The following CEP112 variants were observed in gnomAD, a reference collection of about 807,000 sequenced individuals.
The protein encoded by CEP112 is centrosomal protein 112.
CEP112 carries 127 observed loss-of-function variants against 153.0 expected under a neutral mutation model. That is an observed-to-expected ratio of 0.83 (90% CI 0.72 to 0.96). CEP112 has a LOEUF of 0.96. Ranked by LOEUF, CEP112 falls within the 40% of genes least tolerant of loss-of-function variation. CEP112 has a pLI of 0.00. For missense variants in CEP112, 1,089 were observed against 1,101.2 expected (o/e 0.99, Z 0.16); for synonymous variants, 358 against 374.4 (o/e 0.96, Z 0.51).
At chr17:65,660,254 CTTT>C (rs1031904166) in intron 24 of CEP112, among the ~76,000 whole-genome samples, 2 of 123,668 alleles carry the variant, frequency 1.6e-5, no homozygotes, top group East Asian at 5.2e-4. Context: ...TGTTTTCTTT[CTTT>C]TTTCTTTTCT....
intron 17 of CEP112, among the ~76,000 whole-genome samples, chr17:65,989,903 A>C (rs1161074675): frequency 6.6e-6 from 1 of 152,148 alleles, no homozygotes; most frequent in African/African-American, 2.4e-5. Flanking sequence ...AAGTTTTTTC[A>C]TTTTTTGTTT....
At chr17:65,879,473 C>T (rs116088195) in intron 20 of CEP112, among the ~76,000 whole-genome samples, 76 of 152,266 alleles carry the variant, frequency 5.0e-4, no homozygotes, top group African/African-American at 1.8e-3. Flanking sequence ...TCTGTTCTTT[C>T]CAGGTACAAA....
At chr17:66,025,593 A>G (rs1380527897) in intron 16 of CEP112, among the ~76,000 whole-genome samples, 1 of 152,156 alleles carries the variant, frequency 6.6e-6, no homozygotes, top group Non-Finnish European at 1.5e-5. Context: ...TATTAAAACC[A>G]CAATGAGATA....
intron 21 of CEP112, chr17:65,804,281 T>A (rs982214904): frequency 2.6e-5 from 4 of 152,006 alleles, no homozygotes; most frequent in Non-Finnish European, 4.4e-5. Flanking sequence ...TAAAATTAGA[T>A]GAGCCGCTCA....
intron 23 of CEP112, among the ~76,000 whole-genome samples, chr17:65,690,601 A>T (rs1317800398): frequency 2.0e-5 from 3 of 152,044 alleles, no homozygotes; most frequent in African/African-American, 4.8e-5. Flanking sequence ...TTGAGATTTT[A>T]AATAGATGGT....
At chr17:66,015,498 C>A (rs2064730759) in intron 16 of CEP112, among the ~76,000 whole-genome samples, 1 of 152,098 alleles carries the variant, frequency 6.6e-6, no homozygotes, top group African/African-American at 2.4e-5. Context: ...TGAGGCTTTG[C>A]ACATTCAAAA....
At chr17:65,795,302 G>C (rs951010543) in intron 21 of CEP112, among the ~76,000 whole-genome samples, 1 of 152,158 alleles carries the variant, frequency 6.6e-6, no homozygotes, top group Non-Finnish European at 1.5e-5. Flanking sequence ...ACTATTTAAT[G>C]AATTCTTACT....
intron 18 of CEP112, among the ~76,000 whole-genome samples, chr17:65,952,054 C>T (rs1352724644): frequency 6.6e-6 from 1 of 152,008 alleles, no homozygotes; most frequent in Non-Finnish European, 1.5e-5. Flanking sequence ...TTGTTGTTTA[C>T]TTCTAATTTA....
At chr17:65,965,513 G>GC (rs11393272) in intron 17 of CEP112, among the ~76,000 whole-genome samples, 2,410 of 109,052 alleles carry the variant, frequency 0.022, 86 homozygotes, top group Admixed American at 0.043. Flanking sequence ...GAAACCTTCT[G>GC]CCCCCTTTTT....
chr17:66,052,511 T>C (rs954089042), intron 12 of CEP112, among the ~76,000 whole-genome samples: 2 of 152,112 alleles, frequency 1.3e-5, no homozygotes, highest in African/African-American at 4.8e-5. Flanking sequence ...CATATATATA[T>C]ATAATCAATG....
rs1390522150 is a variant in CEP112, at chr17:66,191,845, C to A, written c.-9+152G>T. 6.6e-6 allele frequency: 1 copy of A among 152,178 alleles called. No individual in the cohort carries two copies. The highest frequency in any genetic ancestry group is 6.5e-5 in the Admixed American group (1 of 15,274). 9.4% of individuals were successfully genotyped at this position (152,178 alleles called of 1,614,324 possible). A position where few individuals can be genotyped will look rare whatever the true frequency, so the allele number is the denominator to read the frequency against. On this transcript the variant is annotated intron_variant, in intron 1 of 26. Coordinates refer to ENST00000535342, the MANE Select transcript of CEP112 (RefSeq NM_001199165.4). The surrounding 1 kb of genome is among the most constrained non-coding windows in gnomAD (Gnocchi z 4.2). Reference sequence around the variant, plus strand: ...AGCGCCGGGACCCCAGGGGCGCGCGCCCCCCAGGCCCGGAGAACGGGCCCA... The same window carrying A: ...AGCGCCGGGACCCCAGGGGCGCGCGACCCCCAGGCCCGGAGAACGGGCCCA...
At chr17:66,094,984 A>G (rs1223105001) in intron 8 of CEP112, among the ~76,000 whole-genome samples, 1 of 152,196 alleles carries the variant, frequency 6.6e-6, no homozygotes, top group Admixed American at 6.6e-5. Flanking sequence ...GCTATCAACA[A>G]AAAGAAAAAA....
chr17:65,782,791 A>G (rs1232709663), intron 21 of CEP112, among the ~76,000 whole-genome samples: 16 of 152,170 alleles, frequency 1.1e-4, no homozygotes, highest in Non-Finnish European at 1.8e-4. Context: ...AAAGATGGCA[A>G]CAATAGACAC....
intron 18 of CEP112, among the ~76,000 whole-genome samples, chr17:65,944,432 T>C (rs190636832): frequency 3.5e-4 from 54 of 152,344 alleles, no homozygotes; most frequent in African/African-American, 1.0e-3. Context: ...TCAGCTTTCA[T>C]ATATCTTAAG....
intron 17 of CEP112, among the ~76,000 whole-genome samples, chr17:65,965,519 T>C (rs28406483): frequency 0.027 from 1,190 of 43,336 alleles, 29 homozygotes; most frequent in African/African-American, 0.058. Context: ...TTCTGCCCCC[T>C]TTTTTTTTTT....
At chr17:65,654,879 C>G (rs876843) in intron 24 of CEP112, 1 of 497,420 alleles carries the variant, frequency 2.0e-6, no homozygotes, top group East Asian at 5.3e-5. Flanking sequence ...GAGGTTGTCA[C>G]TGGGGTCGTA....
At chr17:65,756,405 CAAAAAAAAA>C (rs766476895) in intron 21 of CEP112, among the ~76,000 whole-genome samples, 2 of 30,514 alleles carry the variant, frequency 6.6e-5, no homozygotes, top group Non-Finnish European at 1.2e-4. Context: ...GACTCCGTCT[CAAAAAAAAA>C]AAAAAAAAAA....
intron 19 of CEP112, among the ~76,000 whole-genome samples, chr17:65,914,984 C>T (rs371467492): frequency 1.3e-5 from 2 of 152,166 alleles, no homozygotes; most frequent in Admixed American, 6.5e-5. Context: ...TCTAACTTCC[C>T]TTCTTGGCAA....
chr17:65,994,495 ATAT>A (rs1288417133), intron 17 of CEP112, among the ~76,000 whole-genome samples: 2 of 152,064 alleles, frequency 1.3e-5, no homozygotes, highest in Admixed American at 6.6e-5. Context: ...CAGCCAGCTA[ATAT>A]TGTTGTTGTT....
Sources: gnomAD v4.1 joint callset for allele counts (sites outside exome capture counted in the v4.1 genomes callset) on GRCh38, gnomAD v4.1.1 for gene constraint, Gnocchi (gnomAD v3.1) non-coding constraint, MANE v1.5 for transcripts, NCBI Gene and HGNC (gene_info 2026-07-23, HGNC 2026-07-21) for gene names.